Variants in SYT6 observed in about 807,000 individuals in gnomAD.
The protein encoded by SYT6 is synaptotagmin-6.
A neutral mutation model predicts 38.4 loss-of-function variants in SYT6; 24 were observed. The observed-to-expected ratio is 0.62, with a 90% CI of 0.45 to 0.88. The LOEUF (loss-of-function observed/expected upper bound fraction) is 0.88. Ranked by LOEUF, SYT6 falls within the 40% of genes least tolerant of loss-of-function variation. The pLI is 0.00. For synonymous variants in SYT6, 265 were observed against 241.9 expected (o/e 1.10, Z -0.89); for missense variants, 611 against 621.0 (o/e 0.98, Z 0.17).
At chr1:114,119,363 A>G (rs1677233457) in intron 3 of SYT6, among the ~76,000 whole-genome samples, 2 of 152,176 alleles carry the variant, frequency 1.3e-5, no homozygotes, top group South Asian at 2.1e-4. Flanking sequence ...GGGCACATGG[A>G]CAGTCCCAAA....
At chr1:114,149,757 C>A (rs1183625744) in intron 1 of SYT6, among the ~76,000 whole-genome samples, 1 of 151,994 alleles carries the variant, frequency 6.6e-6, no homozygotes, top group Non-Finnish European at 1.5e-5. Flanking sequence ...GCCAGAAATT[C>A]TTTTCCCTCT....
At chr1:114,128,445 T>C (rs1197219967) in intron 3 of SYT6, among the ~76,000 whole-genome samples, 2 of 152,206 alleles carry the variant, frequency 1.3e-5, no homozygotes, top group African/African-American at 4.8e-5. Flanking sequence ...GGCCCATATA[T>C]GGAACCAGCC....
chr1:114,128,902 A>G (rs76657150), intron 3 of SYT6, among the ~76,000 whole-genome samples: 7,276 of 152,174 alleles, frequency 0.048, 608 homozygotes, highest in African/African-American at 0.17. Flanking sequence ...AATTAGTTTC[A>G]TGCCTCTTGA....
At chr1:114,128,226 A>G (rs1389473734) in intron 3 of SYT6, among the ~76,000 whole-genome samples, 3 of 152,174 alleles carry the variant, frequency 2.0e-5, no homozygotes, top group Non-Finnish European at 4.4e-5. Context: ...CTCTTTCAGA[A>G]AACTCTCCCT....
chr1:114,126,850 G>A (rs1293865581), intron 3 of SYT6, among the ~76,000 whole-genome samples: 1 of 152,212 alleles, frequency 6.6e-6, no homozygotes, highest in Non-Finnish European at 1.5e-5. Flanking sequence ...CGGTCTGGTT[G>A]CCAGTGAGAG....
chr1:114,105,291 G>GGA (rs1676219637), intron 3 of SYT6, among the ~76,000 whole-genome samples: 1 of 150,984 alleles, frequency 6.6e-6, no homozygotes, highest in Admixed American at 6.6e-5. Context: ...CTCTCCTGGA[G>GGA]ACTCCTACAG....
intron 3 of SYT6, among the ~76,000 whole-genome samples, chr1:114,135,958 C>T (rs546065449): frequency 3.9e-5 from 6 of 152,304 alleles, no homozygotes; most frequent in South Asian, 2.1e-4. Flanking sequence ...GTGGAGCGCT[C>T]GGGCCTGGGG....
chr1:114,092,447 G>A (rs1675379504), intron 7 of SYT6, among the ~76,000 whole-genome samples: 1 of 152,164 alleles, frequency 6.6e-6, no homozygotes, highest in South Asian at 2.1e-4. Flanking sequence ...TGTTAGCAGC[G>A]AAAGAGGCAG....
At chr1:114,144,076 G>A (rs955483434) in intron 1 of SYT6, among the ~76,000 whole-genome samples, 2 of 152,226 alleles carry the variant, frequency 1.3e-5, no homozygotes, top group African/African-American at 4.8e-5. Context: ...TGTTTGGCTT[G>A]CTTAATGATT....
intron 5 of SYT6, 138 bp from the exon 6 acceptor site, chr1:114,098,015 G>C (rs1675744577): frequency 2.1e-6 from 2 of 971,742 alleles, no homozygotes; most frequent in Admixed American, 5.2e-5. Flanking sequence ...GCTTGGCAGG[G>C]CTTCTGGGTG....
Position 114,137,708 on chromosome 1 carries a change from G to A in SYT6, c.858C>T (p.His286=). 3 of 1,613,898 alleles carry A rather than the reference G, an allele frequency of 1.9e-6. No individual in the cohort carries two copies. The highest frequency in any genetic ancestry group is 1.1e-5 in the South Asian group (1 of 91,070). The change falls in exon 3 of 8, where the codon CAC becomes CAT. Residue 286 remains histidine (H), a synonymous_variant. Coordinates refer to ENST00000610222, the MANE Select transcript of SYT6 (RefSeq NM_001253772.2). ...DRKCKLQTRV[H]RKTLNPTFDE... Reference sequence around the variant, plus strand: ...CAAAGGTGGGGTTCAGGGTCTTGCGGTGCACCCGGGTCTGCAGCTTGCATT... The same window carrying A: ...CAAAGGTGGGGTTCAGGGTCTTGCGATGCACCCGGGTCTGCAGCTTGCATT...
chr1:114,129,617 C>T (rs200715070), intron 3 of SYT6, among the ~76,000 whole-genome samples: 1,722 of 39,748 alleles, frequency 0.043, 14 homozygotes, highest in African/African-American at 0.085. Context: ...TCTTTCTTTC[C>T]TTTCTTTCTT....
At chr1:114,097,977 C>T (rs1675742200) in intron 5 of SYT6, 100 bp from the exon 6 acceptor site, 2 of 1,358,804 alleles carry the variant, frequency 1.5e-6, no homozygotes, top group Non-Finnish European at 2.0e-6. Context: ...ATGGGTCTAA[C>T]TCAGAACTCT....
intron 6 of SYT6, among the ~76,000 whole-genome samples, chr1:114,095,119 G>C (rs1312473173): frequency 6.6e-6 from 1 of 152,208 alleles, no homozygotes; most frequent in African/African-American, 2.4e-5. Context: ...AGGATCGTGC[G>C]TGGGGGAGGG....
At position 114,139,644 on chromosome 1, in the gene SYT6, C is replaced by T. The variant is rs771879769; in HGVS notation, c.483G>A (p.Arg161=). The change falls in exon 2 of 8, where the codon CGG becomes CGA. Residue 161 remains arginine, a synonymous_variant. Coordinates refer to ENST00000610222, the MANE Select transcript of SYT6 (RefSeq NM_001253772.2). The part of the protein sequence containing the change: ...EHIMRHTRLQ[R]QTTEPASSTR... ...TGGATGACGCTGGCTCTGTAGTTTG[C>T]CGCTGCAGCCGGGTGTGACGCATGA... The T allele has an allele frequency of 1.2e-6, 2 of 1,614,122 alleles. No homozygotes were observed. Among genetic ancestry groups the T allele is most frequent in the East Asian group, 2.2e-5 (1 of 44,874 alleles).
chr1:114,107,291 G>A (rs1307755506), intron 3 of SYT6, among the ~76,000 whole-genome samples: 1 of 152,220 alleles, frequency 6.6e-6, no homozygotes, highest in Non-Finnish European at 1.5e-5. Context: ...GGGGAGCAGT[G>A]ACCCGCAGAC....
chr1:114,093,757 C>G lies in SYT6; in HGVS notation c.*29G>C. 6.2e-7 allele frequency: 1 copy of G among 1,614,024 alleles called. No individual in the cohort carries two copies. The highest frequency in any genetic ancestry group is 8.5e-7 in the Non-Finnish European group (1 of 1,179,964). On this transcript the variant is annotated 3_prime_UTR_variant, in exon 7 of 8. Transcript: ENST00000610222. ...TACTCCTAACTCCAGGTGGCAGTCT[C>G]TCTGCTTGCAGCATCCACGTGAATG...
At chr1:114,110,919 T>G (rs1358576352) in intron 3 of SYT6, among the ~76,000 whole-genome samples, 1 of 152,226 alleles carries the variant, frequency 6.6e-6, no homozygotes, top group Non-Finnish European at 1.5e-5. Flanking sequence ...CTCAGAATTC[T>G]TCAGTGGCTT....
At chr1:114,117,576 A>G (rs1258585369) in intron 3 of SYT6, among the ~76,000 whole-genome samples, 1 of 152,182 alleles carries the variant, frequency 6.6e-6, no homozygotes, top group East Asian at 1.9e-4. Flanking sequence ...GCAGGGCCCC[A>G]TGGAAGCTGA....
Sources: allele counts gnomAD v4.1 joint callset (sites outside exome capture counted in the v4.1 genomes callset), GRCh38; gene constraint gnomAD v4.1.1; transcripts MANE v1.5; gene names NCBI Gene and HGNC (gene_info 2026-07-23, HGNC 2026-07-21).